FNIP2: variants seen among roughly 807,000 people sequenced by gnomAD.
FNIP2 encodes the protein folliculin interacting protein 2, also known as folliculin-interacting protein 2.
In FNIP2, 32 loss-of-function variants were observed where a neutral mutation model predicts 108.7. The ratio of observed to expected loss-of-function variants is 0.29; its 90% CI spans 0.22 to 0.40. FNIP2 has a LOEUF of 0.40. FNIP2 is among the 10% of genes least tolerant of loss of function. The pLI, the probability that FNIP2 is intolerant of heterozygous loss-of-function variation, is 1.00. For synonymous variants in FNIP2, 480 were observed against 496.7 expected, an observed-to-expected ratio of 0.97 and a Z score of 0.45; for missense variants, 1,202 against 1,381.6, an observed-to-expected ratio of 0.87 and a Z score of 2.06.
intron 1 of FNIP2, among the ~76,000 whole-genome samples, chr4:158,778,771 T>G (rs2126414930): frequency 6.6e-6 from 1 of 152,374 alleles, no homozygotes; most frequent in Admixed American, 6.5e-5. Context: ...AGGTATCGCC[T>G]GTGGATAAGA....
intron 1 of FNIP2, among the ~76,000 whole-genome samples, chr4:158,789,765 G>A (rs186299563): frequency 9.2e-5 from 14 of 152,184 alleles, no homozygotes; most frequent in East Asian, 7.7e-4. Context: ...CTTCAAAATC[G>A]GAGTAGTTTC....
At chr4:158,811,400 G>T (rs886068686) in intron 1 of FNIP2, among the ~76,000 whole-genome samples, 1 of 152,104 alleles carries the variant, frequency 6.6e-6, no homozygotes, top group Non-Finnish European at 1.5e-5. Context: ...TAGCATATGA[G>T]AACCTAGACT....
intron 2 of FNIP2, among the ~76,000 whole-genome samples, chr4:158,826,274 G>A (rs1041767333): frequency 1.3e-5 from 2 of 152,200 alleles, no homozygotes. Context: ...ATCATGGCAG[G>A]AGCTAAGCAG....
At chr4:158,789,437 G>A (rs1776331187) in intron 1 of FNIP2, among the ~76,000 whole-genome samples, 1 of 152,172 alleles carries the variant, frequency 6.6e-6, no homozygotes, top group South Asian at 2.1e-4. Context: ...ATGGCTGTAA[G>A]TTAACCTGGT....
At chr4:158,860,595 T>A (rs1780225542) in intron 10 of FNIP2, among the ~76,000 whole-genome samples, 1 of 152,066 alleles carries the variant, frequency 6.6e-6, no homozygotes, top group Non-Finnish European at 1.5e-5. Context: ...GATTTGCCTG[T>A]TGCTCTGCTG....
At chr4:158,878,595 A>G (rs1306479226) in intron 14 of FNIP2, among the ~76,000 whole-genome samples, 2 of 152,198 alleles carry the variant, frequency 1.3e-5, no homozygotes, top group Non-Finnish European at 2.9e-5. Context: ...AGACACTTCT[A>G]CAACCACAAG....
chr4:158,887,019 T>C (rs947776801), intron 14 of FNIP2, among the ~76,000 whole-genome samples: 1 of 152,210 alleles, frequency 6.6e-6, no homozygotes, highest in Non-Finnish European at 1.5e-5. Context: ...TCCCTTTTCC[T>C]TAAGGTGTAT....
chr4:158,885,022 G>A (rs996384567), intron 14 of FNIP2, among the ~76,000 whole-genome samples: 5 of 151,910 alleles, frequency 3.3e-5, no homozygotes, highest in Non-Finnish European at 5.9e-5. Flanking sequence ...TGGGCATGGT[G>A]GTGTGTGCCT....
At chr4:158,901,961 T>C (rs1329722576) in intron 16 of FNIP2, among the ~76,000 whole-genome samples, 6 of 152,036 alleles carry the variant, frequency 3.9e-5, no homozygotes, top group African/African-American at 1.4e-4. Flanking sequence ...GAGTTTGTTA[T>C]TACCCACCTT....
At chr4:158,871,347 C>T (rs1243264273) in intron 14 of FNIP2, 3 of 975,780 alleles carry the variant, frequency 3.1e-6, no homozygotes, top group Non-Finnish European at 2.4e-6. Flanking sequence ...TAGGGAAAGT[C>T]CTCATCGCAT....
intron 1 of FNIP2, among the ~76,000 whole-genome samples, chr4:158,815,049 A>G (rs142082098): frequency 1.4e-3 from 208 of 152,364 alleles, no homozygotes; most frequent in Middle Eastern, 3.4e-3. Flanking sequence ...ATTGTGGTGC[A>G]TGTTTAGAGC....
intron 16 of FNIP2, among the ~76,000 whole-genome samples, chr4:158,898,932 G>A (rs1469182842): frequency 2.0e-5 from 3 of 152,140 alleles, no homozygotes; most frequent in Non-Finnish European, 4.4e-5. Flanking sequence ...GTTTCCAAAG[G>A]GAATTCTTCC....
At chr4:158,823,088 T>G (rs952408769) in intron 1 of FNIP2, among the ~76,000 whole-genome samples, 24 of 152,212 alleles carry the variant, frequency 1.6e-4, no homozygotes, top group African/African-American at 5.5e-4. Context: ...AAATAAGGAT[T>G]GAACAACTTG....
intron 15 of FNIP2, chr4:158,893,806 C>T (rs1782449211): frequency 1.2e-6 from 1 of 837,740 alleles, no homozygotes; most frequent in Non-Finnish European, 1.9e-6. Flanking sequence ...ATACATACGT[C>T]TTGTCACAGT....
intron 1 of FNIP2, among the ~76,000 whole-genome samples, chr4:158,777,231 G>T (rs965216010): frequency 6.6e-6 from 1 of 152,168 alleles, no homozygotes; most frequent in South Asian, 2.1e-4. Context: ...TTGAATTCTT[G>T]TATGGCTTGG....
chr4:158,793,325 T>C (rs1776482200), intron 1 of FNIP2, among the ~76,000 whole-genome samples: 1 of 152,194 alleles, frequency 6.6e-6, no homozygotes, highest in Non-Finnish European at 1.5e-5. Context: ...AACAGGCCTA[T>C]GCAAAGTATC....
chr4:158,889,746 A>T (rs1782192016), intron 14 of FNIP2: 1 of 886,748 alleles, frequency 1.1e-6, no homozygotes, highest in African/African-American at 1.8e-5. Context: ...TTTCTGACAA[A>T]TGCAAAGCAG....
intron 1 of FNIP2, chr4:158,795,888 C>T (rs1422628850): frequency 6.6e-6 from 1 of 152,256 alleles, no homozygotes; most frequent in Non-Finnish European, 1.5e-5. Context: ...AGTTTCATCC[C>T]GAAACCATCC....
At position 158,906,444 on chromosome 4, in the gene FNIP2, G is replaced by A. The variant is rs1202255828; in HGVS notation, c.*1900G>A. On this transcript the variant is annotated 3_prime_UTR_variant, in exon 17 of 17. Transcript: ENST00000264433. ...GTTACAAAATCAGTTCAATTCTAATGTGGACATAGTGGCATGTTCATAATT... is the reference window on the plus strand; with the variant it reads ...GTTACAAAATCAGTTCAATTCTAATATGGACATAGTGGCATGTTCATAATT... 6.6e-6 allele frequency: 1 copy of A among 152,112 alleles called. No homozygotes were observed. Among genetic ancestry groups the A allele is most frequent in the Non-Finnish European group, 1.5e-5 (1 of 68,026 alleles). The allele number at this position is 152,112 out of a possible 1,614,324, so 9.4% of individuals were successfully genotyped here.
Sources: allele counts gnomAD v4.1 joint callset (sites outside exome capture counted in the v4.1 genomes callset), GRCh38; gene constraint gnomAD v4.1.1; transcripts MANE v1.5; gene names NCBI Gene and HGNC (gene_info 2026-07-23, HGNC 2026-07-21).